Variants in CCNH observed in about 807,000 individuals in gnomAD.
CCNH encodes cyclin-H.
CCNH carries 31 observed loss-of-function variants against 41.9 expected under a neutral mutation model. The ratio of observed to expected loss-of-function variants is 0.74; its 90% confidence interval spans 0.56 to 1.00. CCNH has a LOEUF of 1.00. Ranked by LOEUF, CCNH falls within the 50% of genes least tolerant of loss-of-function variation. The pLI is 0.00. For missense variants in CCNH, 362 were observed against 388.4 expected (o/e 0.93, Z 0.57); for synonymous variants, 138 against 136.1 (o/e 1.01, Z -0.10).
intron 9 of CCNH, among the ~76,000 whole-genome samples, chr5:87,338,536 A>ATATATATTTTTTTT: frequency 9.4e-5 from 8 of 85,218 alleles, no homozygotes; most frequent in African/African-American, 3.1e-4. Context: ...TATATATAAA[A>ATATATATTTTTTTT]TTTTTTTTTT....
downstream of CCNH, chr5:87,374,727 CTG>C (rs751448717): frequency 4.5e-5 from 63 of 1,414,348 alleles, no homozygotes; most frequent in Non-Finnish European, 5.8e-5. Flanking sequence ...GTCTAGCACA[CTG>C]TTTTTTTTTT....
At chr5:87,361,033 C>T (rs1760050665) in intron 9 of CCNH, among the ~76,000 whole-genome samples, 1 of 152,160 alleles carries the variant, frequency 6.6e-6, no homozygotes, top group Non-Finnish European at 1.5e-5. Flanking sequence ...CACACATACA[C>T]ACACACCCAG....
intron 9 of CCNH, among the ~76,000 whole-genome samples, chr5:87,345,211 A>G (rs528161382): frequency 1.3e-5 from 2 of 152,164 alleles, no homozygotes; most frequent in Admixed American, 6.6e-5. Context: ...TGTGGTTGAA[A>G]TATATAAATT....
downstream of CCNH, among the ~76,000 whole-genome samples, chr5:87,389,725 T>C (rs979081817): frequency 1.3e-5 from 2 of 152,208 alleles, no homozygotes; most frequent in Non-Finnish European, 2.9e-5. Flanking sequence ...CTGAAAAACA[T>C]CAGGTTTTGC....
intron 9 of CCNH, among the ~76,000 whole-genome samples, chr5:87,360,716 T>A (rs1249675737): frequency 6.6e-6 from 1 of 152,156 alleles, no homozygotes; most frequent in African/African-American, 2.4e-5. Context: ...TATGGTTCAC[T>A]CAGTGATTGA....
downstream of CCNH, chr5:87,374,989 C>A: frequency 6.6e-7 from 1 of 1,509,844 alleles, no homozygotes; most frequent in Non-Finnish European, 8.8e-7. Context: ...CAATGAAAGT[C>A]TTAAAATAGA....
chr5:87,319,923 C>G (rs1366674754), intron 9 of CCNH, among the ~76,000 whole-genome samples: 2 of 152,222 alleles, frequency 1.3e-5, no homozygotes, highest in Non-Finnish European at 2.9e-5. Context: ...CACACCGTCT[C>G]TTCATACATA....
chr5:87,347,592 T>C (rs1433440807), intron 9 of CCNH, among the ~76,000 whole-genome samples: 1 of 152,044 alleles, frequency 6.6e-6, no homozygotes, highest in Non-Finnish European at 1.5e-5. Context: ...AGAGGTAATC[T>C]GAATTGTTTT....
chr5:87,406,381 A>C (rs777137010), intron 4 of CCNH, among the ~76,000 whole-genome samples: 26 of 152,160 alleles, frequency 1.7e-4, no homozygotes, highest in Non-Finnish European at 3.4e-4. Flanking sequence ...ACAACAACAA[A>C]AAAACTCTCA....
Position 87,346,710 on chromosome 5 carries a change from A to G in CCNH, c.*91-27813T>C, listed in dbSNP as rs770514862. Reference sequence around the variant, plus strand: ...AAGATTTCCAAACAGGAAGCTTATAATTTACTAATGACAGGTACTTACATA... The same window carrying G: ...AAGATTTCCAAACAGGAAGCTTATAGTTTACTAATGACAGGTACTTACATA... On this transcript the variant is annotated intron_variant and NMD_transcript_variant, in intron 9 of 9. Transcript: ENST00000645953. 11 of 1,551,998 alleles carry G rather than the reference A, an allele frequency of 7.1e-6. No individual in the cohort carries two copies. The highest frequency in any genetic ancestry group is 7.1e-6 in the Non-Finnish European group (8 of 1,125,540).
At chr5:87,331,620 T>C in intron 9 of CCNH, 1 of 1,129,320 alleles carries the variant, frequency 8.9e-7, no homozygotes, top group Non-Finnish European at 1.3e-6. Context: ...AGGAAGCTTG[T>C]TTTCAGTCAA....
chr5:87,409,375 A>G lies in CCNH; in HGVS notation c.241-12T>C, dbSNP rs767364412. On this transcript the variant is annotated splice_polypyrimidine_tract_variant and intron_variant, in intron 2 of 8. Coordinates refer to ENST00000256897, the MANE Select transcript of CCNH (RefSeq NM_001239.4). The stretch of plus-strand genomic sequence containing the variant: ...ATACAAGCCGTACCCTAAGGGTTAA[A>G]AAAAATATATCATCAGGATCTAGTC... 11 of 1,410,942 alleles carry G rather than the reference A, an allele frequency of 7.8e-6. No homozygotes were observed. In the East Asian group the frequency reaches 2.5e-4, roughly 32 times the overall value. The allele number at this position is 1,410,942 out of a possible 1,614,324, so 87.4% of individuals were successfully genotyped here.
chr5:87,412,719 C>T lies in CCNH; in HGVS notation c.76G>A (p.Ala26Thr), dbSNP rs766790791. Reference protein sequence around the residue: ...EEQLARLRADANRKFRCKAVA... With the variant: ...EEQLARLRADTNRKFRCKAVA... ...GCTTTGCATCTGAATTTGCGGTTGG[C>T]GTCAGCCCGCAGTCTTGCCAGCTGC... Residue 26 changes from alanine (A) to threonine (T), a missense_variant, in exon 1 of 9, where the codon GCC becomes ACC. Transcript: ENST00000256897. 1.9e-6 allele frequency: 3 copies of T among 1,614,060 alleles called. No homozygotes were observed. Among genetic ancestry groups the T allele is most frequent in the Non-Finnish European group, 2.5e-6 (3 of 1,180,014 alleles).
At chr5:87,315,566 T>TTGTG (rs1426287252), downstream of CCNH, among the ~76,000 whole-genome samples, 6 of 152,326 alleles carry the variant, frequency 3.9e-5, no homozygotes, top group East Asian at 9.6e-4. Context: ...TAAAAAAATC[T>TTGTG]TGTGTTTTTA....
At chr5:87,338,732 T>C (rs912187970) in intron 9 of CCNH, among the ~76,000 whole-genome samples, 3 of 151,128 alleles carry the variant, frequency 2.0e-5, no homozygotes, top group African/African-American at 7.3e-5. Flanking sequence ...AGTGAAGTTA[T>C]ATCAGTCTGA....
At chr5:87,410,954 G>A (rs1195652808) in intron 2 of CCNH, among the ~76,000 whole-genome samples, 2 of 152,208 alleles carry the variant, frequency 1.3e-5, no homozygotes, top group African/African-American at 4.8e-5. Context: ...TGAGAACTTA[G>A]AGGAAAGTAA....
chr5:87,359,508 T>C (rs535827371), intron 9 of CCNH, among the ~76,000 whole-genome samples: 4 of 152,310 alleles, frequency 2.6e-5, no homozygotes, highest in African/African-American at 9.6e-5. Context: ...AAGATCTATA[T>C]AGATTCCAAG....
At chr5:87,340,166 T>C (rs7706214) in intron 9 of CCNH, among the ~76,000 whole-genome samples, 10,406 of 152,198 alleles carry the variant, frequency 0.068, 801 homozygotes, top group African/African-American at 0.19. Flanking sequence ...CTTGACATTC[T>C]TGCCCTGATA....
intron 9 of CCNH, chr5:87,333,221 A>T: frequency 1.2e-6 from 2 of 1,603,034 alleles, no homozygotes; most frequent in South Asian, 1.1e-5. Flanking sequence ...TGACTTTAAG[A>T]TAAAAAGACT....
Sources: allele counts gnomAD v4.1 joint callset (sites outside exome capture counted in the v4.1 genomes callset), GRCh38; gene constraint gnomAD v4.1.1; transcripts MANE v1.5; gene names NCBI Gene and HGNC (gene_info 2026-07-23, HGNC 2026-07-21).